The following LRP1B variants were observed in gnomAD, a reference collection of about 807,000 sequenced individuals.
LRP1B encodes the protein low-density lipoprotein receptor-related protein 1B.
A neutral mutation model predicts 556.6 loss-of-function variants in LRP1B; 217 were observed. That is an observed-to-expected ratio of 0.39 (90% confidence interval 0.35 to 0.44). The LOEUF (loss-of-function observed/expected upper bound fraction) is 0.44. LRP1B is among the 20% of genes least tolerant of loss of function. The pLI, the probability that LRP1B is intolerant of heterozygous loss-of-function variation, is 1.00. For synonymous variants in LRP1B, 2,047 were observed against 1,865.8 expected, an observed-to-expected ratio of 1.10 and a Z score of -2.50; for missense variants, 5,053 against 5,620.8, an observed-to-expected ratio of 0.90 and a Z score of 3.23.
At chr2:140,994,248 G>A (rs931837373) in intron 15 of LRP1B, 113 bp from the exon 16 acceptor site, 5 of 848,044 alleles carry the variant, frequency 5.9e-6, no homozygotes, top group African/African-American at 5.2e-5. Context: ...TCAGTGGGAT[G>A]AGGTATTTGT....
intron 3 of LRP1B, among the ~76,000 whole-genome samples, chr2:141,478,070 A>T (rs13007727): frequency 2.6e-5 from 4 of 152,012 alleles, no homozygotes; most frequent in African/African-American, 7.3e-5. Context: ...ACTACATACT[A>T]GAAATTTGTC....
chr2:141,932,342 A>ACAC (rs1300486339), intron 1 of LRP1B, among the ~76,000 whole-genome samples: 3 of 152,106 alleles, frequency 2.0e-5, no homozygotes, highest in Non-Finnish European at 2.9e-5. Flanking sequence ...ATGACAGAGT[A>ACAC]CACCGTTCAT....
In LRP1B at chr2:141,838,723, T is replaced by C. The variant is rs564506050; in HGVS notation, c.83-28322A>G. Among the ~76,000 whole-genome samples the C allele has an allele frequency of 9.2e-5, 14 of 152,300 alleles. No homozygotes were observed. In the South Asian group the frequency reaches 2.9e-3, roughly 32 times the overall value. On this transcript the variant is annotated intron_variant, in intron 1 of 90. Transcript: ENST00000389484. ...TTATTTGCTCTTAGTAGAGAAAGTATATTTCTAGGACGTAAAATAATTTAC... is the reference window on the plus strand; with the variant it reads ...TTATTTGCTCTTAGTAGAGAAAGTACATTTCTAGGACGTAAAATAATTTAC...
At chr2:141,099,791 T>G (rs1700414063) in intron 7 of LRP1B, among the ~76,000 whole-genome samples, 1 of 152,218 alleles carries the variant, frequency 6.6e-6, no homozygotes, top group African/African-American at 2.4e-5. Flanking sequence ...AAATCTGGTG[T>G]ATTGATATGT....
At chr2:140,708,655 CAT>C (rs1686927162) in intron 37 of LRP1B, among the ~76,000 whole-genome samples, 1 of 151,670 alleles carries the variant, frequency 6.6e-6, no homozygotes, top group Non-Finnish European at 1.5e-5. Flanking sequence ...TATACATGTA[CAT>C]ATATATAATA....
At chr2:140,648,285 G>A (rs1163692618) in intron 41 of LRP1B, among the ~76,000 whole-genome samples, 1 of 151,890 alleles carries the variant, frequency 6.6e-6, no homozygotes, top group African/African-American at 2.4e-5. Flanking sequence ...ACCGGGGCAT[G>A]TGGTGGGGTG....
chr2:141,809,650 A>G (rs1015104291), intron 2 of LRP1B, among the ~76,000 whole-genome samples: 1 of 152,072 alleles, frequency 6.6e-6, no homozygotes. Context: ...TTATAGTAGT[A>G]CAACTATGAT....
At chr2:140,371,118 A>G (rs1170624766) in intron 70 of LRP1B, 61 bp downstream of exon 70, 2 of 1,124,188 alleles carry the variant, frequency 1.8e-6, no homozygotes, top group Non-Finnish European at 2.5e-6. Flanking sequence ...TTTTCATTAC[A>G]TTTGTTTGCC....
intron 11 of LRP1B, among the ~76,000 whole-genome samples, chr2:141,022,016 T>C (rs1039546063): frequency 1.3e-5 from 2 of 151,940 alleles, no homozygotes; most frequent in African/African-American, 2.4e-5. Context: ...ATTGTATCTT[T>C]TGTTTTTCAC....
At chr2:141,538,177 T>C (rs1685129141) in intron 2 of LRP1B, among the ~76,000 whole-genome samples, 1 of 152,146 alleles carries the variant, frequency 6.6e-6, no homozygotes, top group African/African-American at 2.4e-5. Context: ...CAACCGCCAT[T>C]TGCTTGATAT....
intron 3 of LRP1B, among the ~76,000 whole-genome samples, chr2:141,408,993 G>A (rs1317230980): frequency 6.6e-6 from 1 of 152,034 alleles, no homozygotes; most frequent in Admixed American, 6.6e-5. Flanking sequence ...TCTCTACATT[G>A]GCTTCTGTGT....
chr2:141,671,964 C>G (rs1461372216), intron 2 of LRP1B, among the ~76,000 whole-genome samples: 2 of 151,684 alleles, frequency 1.3e-5, no homozygotes, highest in African/African-American at 4.8e-5. Flanking sequence ...GTGTCTGTCT[C>G]CACAAAACAC....
chr2:141,152,152 A>T (rs1410868837), intron 7 of LRP1B, among the ~76,000 whole-genome samples: 1 of 151,838 alleles, frequency 6.6e-6, no homozygotes, highest in Non-Finnish European at 1.5e-5. Flanking sequence ...GTATAGGAGG[A>T]GAAGCCTGGA....
At chr2:142,129,483 T>G (rs1000412345) in intron 1 of LRP1B, among the ~76,000 whole-genome samples, 1 of 152,198 alleles carries the variant, frequency 6.6e-6, no homozygotes, top group Non-Finnish European at 1.5e-5. Context: ...CAATATTTTT[T>G]GTCAATTCAT....
chr2:142,014,929 A>T (rs901044765), intron 1 of LRP1B, among the ~76,000 whole-genome samples: 1 of 152,244 alleles, frequency 6.6e-6, no homozygotes, highest in Non-Finnish European at 1.5e-5. Flanking sequence ...TAAACTAAAG[A>T]TAAATACAAA....
At chr2:140,782,293 T>C (rs1689727815) in intron 32 of LRP1B, among the ~76,000 whole-genome samples, 1 of 152,312 alleles carries the variant, frequency 6.6e-6, no homozygotes, top group East Asian at 1.9e-4. Flanking sequence ...AGACTGAGAC[T>C]GTATTTAGAG....
chr2:141,945,668 C>A lies in LRP1B; in HGVS notation c.83-135267G>T, dbSNP rs771704249. Among the ~76,000 whole-genome samples, 226 of 151,970 alleles carry A rather than the reference C, an allele frequency of 1.5e-3. 1 individual carries two copies. The highest frequency in any genetic ancestry group is 2.4e-3 in the Admixed American group (37 of 15,246). ...TGATTATAATGCCCACCCAGTTTTA[C>A]TCATTACTAAACAAATCATCTTAAA... On this transcript the variant is annotated intron_variant, in intron 1 of 90. Coordinates refer to ENST00000389484, the MANE Select transcript of LRP1B (RefSeq NM_018557.3).
chr2:142,004,155 G>C (rs1028755212), intron 1 of LRP1B, among the ~76,000 whole-genome samples: 1 of 152,152 alleles, frequency 6.6e-6, no homozygotes, highest in Admixed American at 6.5e-5. Context: ...GAAATTTACA[G>C]GAATGAAGAA....
chr2:141,458,372 GGT>G (rs1427234251), intron 3 of LRP1B, among the ~76,000 whole-genome samples: 1 of 152,108 alleles, frequency 6.6e-6, no homozygotes, highest in South Asian at 2.1e-4. Flanking sequence ...TCAAAATCAA[GGT>G]GAATGAGCTC....
Sources: allele counts gnomAD v4.1 joint callset (sites outside exome capture counted in the v4.1 genomes callset), GRCh38; gene constraint gnomAD v4.1.1; transcripts MANE v1.5; gene names NCBI Gene and HGNC (gene_info 2026-07-23, HGNC 2026-07-21).